Variants in VIT observed in about 807,000 individuals in gnomAD.
VIT encodes vitrin.
A neutral mutation model predicts 78.0 loss-of-function variants in VIT; 99 were observed. That is an observed-to-expected ratio of 1.27 (90% CI 1.08 to 1.50). The LOEUF (loss-of-function observed/expected upper bound fraction) is 1.50, where lower values mean the gene tolerates loss of function less well. Ranked by LOEUF, VIT falls within the 40% of genes most tolerant of loss-of-function variation. The pLI, the probability that VIT is intolerant of heterozygous loss-of-function variation, is 0.00. For missense variants in VIT, 1,126 were observed against 875.3 expected, an observed-to-expected ratio of 1.29 and a Z score of -3.61; for synonymous variants, 374 against 334.3, an observed-to-expected ratio of 1.12 and a Z score of -1.29.
rs1232910278 is a variant in VIT, at chr2:36,787,285, A to G, written c.1058+9A>G. 1.9e-6 allele frequency: 3 copies of G among 1,607,064 alleles called. No individual in the cohort carries two copies. Among genetic ancestry groups the G allele is most frequent in the Non-Finnish European group, 2.6e-6 (3 of 1,175,666 alleles). ...GGTGTTGTCCAGTATGGGTAAGTGCAGTTAATGTTCTGAATCCAGAAAGGA... is the reference window on the plus strand; with the variant it reads ...GGTGTTGTCCAGTATGGGTAAGTGCGGTTAATGTTCTGAATCCAGAAAGGA... On this transcript the variant is annotated intron_variant, in intron 12 of 15. Coordinates refer to ENST00000379242, the MANE Select transcript of VIT (RefSeq NM_053276.4).
intron 1 of VIT, among the ~76,000 whole-genome samples, chr2:36,701,501 C>T (rs549987922): frequency 6.6e-6 from 1 of 152,326 alleles, no homozygotes; most frequent in African/African-American, 2.4e-5. Flanking sequence ...CAAATTCTTT[C>T]CTTCAGTTCG....
intron 4 of VIT, among the ~76,000 whole-genome samples, chr2:36,753,616 T>C (rs1031347777): frequency 4.6e-5 from 7 of 151,892 alleles, no homozygotes; most frequent in African/African-American, 1.7e-4. Flanking sequence ...GAAGGAGAAA[T>C]TGGGAACTCA....
chr2:36,756,647 A>G (rs1020573015), intron 5 of VIT, among the ~76,000 whole-genome samples: 1 of 152,214 alleles, frequency 6.6e-6, no homozygotes, highest in African/African-American at 2.4e-5. Flanking sequence ...AGTTCAAATT[A>G]GACTGGTTTC....
Position 36,814,038 on chromosome 2 carries a change from C to T in VIT, c.1904-145C>T, listed in dbSNP as rs1019976740. ...AGTCTTTATTCTGGAAACCTAGAGG[C>T]CTGTAGCGTATTTTTGGTTTTGTTT... On this transcript the variant is annotated intron_variant, in intron 15 of 15. Coordinates refer to ENST00000379242, the MANE Select transcript of VIT (RefSeq NM_053276.4). 8 of 861,934 alleles carry T rather than the reference C, an allele frequency of 9.3e-6. No individual in the cohort carries two copies. In the East Asian group the frequency reaches 1.6e-4, roughly 17 times the overall value. 53.4% of individuals were successfully genotyped at this position (861,934 alleles called of 1,614,324 possible). A position where few individuals can be genotyped will look rare whatever the true frequency, so the allele number is the denominator to read the frequency against.
intron 4 of VIT, among the ~76,000 whole-genome samples, chr2:36,745,756 G>A (rs13029507): frequency 0.49 from 74,241 of 151,938 alleles, 20,090 homozygotes; most frequent in Non-Finnish European, 0.61. Flanking sequence ...GTGAAGAGAG[G>A]GAGTTTGACT....
intron 3 of VIT, 122 bp downstream of exon 3, chr2:36,729,613 C>T: frequency 1.1e-6 from 1 of 943,414 alleles, no homozygotes; most frequent in East Asian, 2.6e-5. Flanking sequence ...AATTAATTTC[C>T]ACTCAGATTA....
intron 13 of VIT, among the ~76,000 whole-genome samples, chr2:36,804,312 C>A (rs1030010616): frequency 6.6e-6 from 1 of 152,228 alleles, no homozygotes; most frequent in African/African-American, 2.4e-5. Flanking sequence ...CCCTGCCCAA[C>A]CAGACCTGTG....
chr2:36,788,824 T>C (rs1237276368), intron 12 of VIT, among the ~76,000 whole-genome samples: 2 of 152,156 alleles, frequency 1.3e-5, no homozygotes, highest in African/African-American at 4.8e-5. Flanking sequence ...CTTTATAGTA[T>C]AATATGAAAA....
intron 1 of VIT, among the ~76,000 whole-genome samples, chr2:36,699,971 C>T (rs1249162644): frequency 1.3e-5 from 2 of 151,800 alleles, no homozygotes; most frequent in African/African-American, 4.8e-5. Context: ...TACTGCCTAC[C>T]CCACAGAGCT....
rs190742214 is a variant in VIT, at chr2:36,767,252, C to A, written c.646C>A (p.Pro216Thr). 92 of 1,589,436 alleles carry A rather than the reference C, an allele frequency of 5.8e-5. No homozygotes were observed. The highest frequency in any genetic ancestry group is 6.1e-5 in the Non-Finnish European group (71 of 1,168,288). ...TGCTTCTACCACCAGCATCCCCAGA[C>A]CACAATCAGTGGGCCACAGGAGCCA... The part of the protein sequence containing the change: ...SAASTTSIPR[P>T]QSVGHRSQEM... The change falls in exon 7 of 16, where the codon CCA (proline) becomes ACA (threonine). Residue 216 changes from proline to threonine, a missense_variant. Pro to Thr is a conservative substitution (Grantham distance 38, BLOSUM62 -1). Transcript: ENST00000379242.
chr2:36,761,059 G>A (rs892793539), intron 6 of VIT, among the ~76,000 whole-genome samples: 8 of 152,046 alleles, frequency 5.3e-5, no homozygotes, highest in Non-Finnish European at 1.0e-4. Context: ...TTTACCATGA[G>A]TGGAAGAGCA....
rs1222093168 is a variant in VIT, at chr2:36,808,587, G to A, written c.1505G>A (p.Ser502Asn). 2 of 1,614,196 alleles carry A rather than the reference G, an allele frequency of 1.2e-6. No homozygotes were observed. The highest frequency in any genetic ancestry group is 3.3e-5 in the Admixed American group (2 of 60,034). ...RVCDTDRLACSKTCLNSADIG... is the reference protein window; with the variant it reads ...RVCDTDRLACNKTCLNSADIG... ...TGCGACACTGACCGCCTGGCCTGCA[G>A]CAAGACCTGCTTGAACTCGGCTGAC... The change falls in exon 15 of 16, where the codon AGC becomes AAC. Residue 502 changes from serine to asparagine, a missense_variant. Transcript: ENST00000379242.
At chr2:36,803,224 C>G (rs543733418) in intron 13 of VIT, among the ~76,000 whole-genome samples, 1 of 152,306 alleles carries the variant, frequency 6.6e-6, no homozygotes, top group South Asian at 2.1e-4. Flanking sequence ...AAGTCAGATA[C>G]TAAAGATATT....
chr2:36,778,296 G>A (rs769995901), intron 9 of VIT, among the ~76,000 whole-genome samples: 18 of 152,120 alleles, frequency 1.2e-4, no homozygotes, highest in South Asian at 4.1e-4. Context: ...TACACACTGC[G>A]TCCCCCACTG....
chr2:36,768,606 G>A (rs1467758246), intron 7 of VIT, among the ~76,000 whole-genome samples: 1 of 152,154 alleles, frequency 6.6e-6, no homozygotes, highest in Non-Finnish European at 1.5e-5. Flanking sequence ...GTAAGGCAGT[G>A]AGGAAACTGG....
rs530237315 is a variant in VIT at position 36,788,750 on chromosome 2, G to A, written c.1058+1474G>A. Among the ~76,000 whole-genome samples, 195 of 152,274 alleles carry A rather than the reference G, an allele frequency of 1.3e-3. 2 individuals are homozygous for A. In the South Asian group the frequency reaches 0.027, roughly 21 times the overall value. The stretch of plus-strand genomic sequence containing the variant: ...TGTCCTTAGTCAGTTTTACTGGGAG[G>A]CTCAAAGCTTGATGTGTTATCTTGC... On this transcript the variant is annotated intron_variant, in intron 12 of 15. Coordinates refer to ENST00000379242, the MANE Select transcript of VIT (RefSeq NM_053276.4).
intron 2 of VIT, among the ~76,000 whole-genome samples, chr2:36,728,811 T>TAAAA (rs1558520065): frequency 3.7e-5 from 2 of 54,268 alleles, no homozygotes; most frequent in African/African-American, 1.9e-4. Context: ...AGACTCCGTC[T>TAAAA]CAAAAAAAAA....
At chr2:36,787,679 A>G (rs1430301696) in intron 12 of VIT, 1 of 338,182 alleles carries the variant, frequency 3.0e-6, no homozygotes, top group Non-Finnish European at 5.7e-6. Flanking sequence ...CTATTACAGC[A>G]TTTGTTTGAG....
At chr2:36,795,326 C>T (rs972660729) in intron 12 of VIT, among the ~76,000 whole-genome samples, 5 of 151,846 alleles carry the variant, frequency 3.3e-5, no homozygotes, top group African/African-American at 9.7e-5. Flanking sequence ...TAAGGTCAAA[C>T]AAGACAACAC....
Sources: gnomAD v4.1 joint callset for allele counts (sites outside exome capture counted in the v4.1 genomes callset) on GRCh38, gnomAD v4.1.1 for gene constraint, MANE v1.5 for transcripts, NCBI Gene and HGNC (gene_info 2026-07-23, HGNC 2026-07-21) for gene names.